NBAS: variants seen among roughly 807,000 people sequenced by gnomAD.
NBAS encodes the protein NAG/BC035112 fusion.
Under a neutral mutation model 302.5 loss-of-function variants are expected in NBAS, and 219 were observed. That is an observed-to-expected ratio of 0.72 (90% CI 0.65 to 0.81). NBAS has a LOEUF of 0.81. NBAS is among the 30% of genes least tolerant of loss of function. The pLI is 0.00. For missense variants in NBAS, 2,932 were observed against 2,841.6 expected (o/e 1.03, Z -0.72); for synonymous variants, 1,118 against 1,021.6 (o/e 1.09, Z -1.80).
At chr2:15,279,232 T>A (rs1480952566) in intron 42 of NBAS, among the ~76,000 whole-genome samples, 1 of 152,182 alleles carries the variant, frequency 6.6e-6, no homozygotes, top group Non-Finnish European at 1.5e-5. Context: ...ATTACTTTCT[T>A]GCTAAGTTAA....
the NBAS span, among the ~76,000 whole-genome samples, chr2:14,861,971 T>G: frequency 6.6e-6 from 1 of 152,154 alleles, no homozygotes; most frequent in Non-Finnish European, 1.5e-5. Flanking sequence ...AAGTCCCAGA[T>G]AGGAATTAAG....
At chr2:15,268,892 C>T (rs960636452) in intron 44 of NBAS, among the ~76,000 whole-genome samples, 6 of 152,114 alleles carry the variant, frequency 3.9e-5, no homozygotes, top group African/African-American at 1.2e-4. Context: ...GATTAAAACC[C>T]GAAGGCATGA....
the NBAS span, among the ~76,000 whole-genome samples, chr2:14,989,768 C>A: frequency 6.6e-6 from 1 of 152,046 alleles, no homozygotes; most frequent in Non-Finnish European, 1.5e-5. Flanking sequence ...CTGAATAGCA[C>A]CTAAATGTCC....
intron 35 of NBAS, among the ~76,000 whole-genome samples, chr2:15,342,917 T>C (rs1012846016): frequency 1.3e-5 from 2 of 151,940 alleles, no homozygotes; most frequent in South Asian, 2.1e-4. Flanking sequence ...CCAGTCAACA[T>C]GGGATGGTAA....
chr2:15,264,187 G>A (rs1668972920), intron 44 of NBAS, among the ~76,000 whole-genome samples: 1 of 152,088 alleles, frequency 6.6e-6, no homozygotes, highest in African/African-American at 2.4e-5. Flanking sequence ...GTAGTAGGGA[G>A]GTTATTTTCA....
At chr2:14,825,317 GA>G in the NBAS span, among the ~76,000 whole-genome samples, 1 of 152,198 alleles carries the variant, frequency 6.6e-6, no homozygotes, top group African/African-American at 2.4e-5. Context: ...CTACTGGCAT[GA>G]AAAGGTTCTA....
downstream of NBAS, among the ~76,000 whole-genome samples, chr2:15,162,207 C>T (rs774175670): frequency 6.6e-5 from 10 of 152,322 alleles, no homozygotes; most frequent in East Asian, 1.3e-3. Context: ...GCAACAGGCG[C>T]GTTGTTTGTC....
chr2:14,784,892 C>A, the NBAS span, among the ~76,000 whole-genome samples: 1 of 152,138 alleles, frequency 6.6e-6, no homozygotes, highest in East Asian at 1.9e-4. Context: ...GGCATTGAAT[C>A]TATAAATTAC....
the NBAS span, among the ~76,000 whole-genome samples, chr2:15,008,393 G>A: frequency 6.6e-6 from 1 of 152,132 alleles, no homozygotes; most frequent in Non-Finnish European, 1.5e-5. Context: ...CTCTCCCATG[G>A]TTCCCTGATG....
the NBAS span, among the ~76,000 whole-genome samples, chr2:14,994,048 C>A: frequency 1.3e-5 from 2 of 152,150 alleles, no homozygotes; most frequent in Admixed American, 1.3e-4. Context: ...CTATCATGTA[C>A]CTAGCACACT....
In NBAS at chr2:15,330,713, G is replaced by C. The variant is rs1475390960; in HGVS notation, c.4232C>G (p.Thr1411Ser). Residue 1411 changes from threonine to serine, a missense_variant, in exon 36 of 52, where the codon ACT becomes AGT. Coordinates refer to ENST00000281513, the MANE Select transcript of NBAS (RefSeq NM_015909.4). ...GGAAAGGACTTTCATGGTGGTAGCA[G>C]TGGTCCAGCGCAATAGGTCAGCTGA... ...SNSADLLRWT[T>S]ATTMKVLSNT... 17 of 1,614,092 alleles carry C rather than the reference G, an allele frequency of 1.1e-5. No homozygotes were observed. In the East Asian group the frequency reaches 3.8e-4, roughly 36 times the overall value.
chr2:15,451,606 T>A (rs1679014586), intron 21 of NBAS, among the ~76,000 whole-genome samples: 1 of 152,206 alleles, frequency 6.6e-6, no homozygotes, highest in Non-Finnish European at 1.5e-5. Flanking sequence ...CAATTTGACC[T>A]AAATCAAATT....
intron 7 of NBAS, 130 bp from the exon 8 acceptor site, chr2:15,536,681 C>T (rs1244142521): frequency 1.2e-6 from 1 of 869,352 alleles, no homozygotes; most frequent in Non-Finnish European, 1.8e-6. Context: ...CAGAATTGCT[C>T]TGTATACTCA....
the NBAS span, among the ~76,000 whole-genome samples, chr2:15,003,343 A>C: frequency 6.6e-6 from 1 of 152,104 alleles, no homozygotes; most frequent in Non-Finnish European, 1.5e-5. Flanking sequence ...TCTTGTATTT[A>C]TTTGCCCACT....
chr2:15,416,505 G>A (rs1313538726), intron 24 of NBAS, among the ~76,000 whole-genome samples: 1 of 152,136 alleles, frequency 6.6e-6, no homozygotes, highest in Non-Finnish European at 1.5e-5. Context: ...GACAGAGGGA[G>A]AGACAAAAGG....
the NBAS span, among the ~76,000 whole-genome samples, chr2:15,060,380 A>G: frequency 6.6e-6 from 1 of 152,176 alleles, no homozygotes; most frequent in South Asian, 2.1e-4. Context: ...CAGCATGGAG[A>G]GAGCTCTTGA....
At chr2:15,166,135 G>A (rs1465062673), downstream of NBAS, among the ~76,000 whole-genome samples, 1 of 152,146 alleles carries the variant, frequency 6.6e-6, no homozygotes, top group African/African-American at 2.4e-5. Context: ...CTATGCCCTG[G>A]GACCCTTATC....
intron 47 of NBAS, among the ~76,000 whole-genome samples, chr2:15,229,519 T>A (rs1667291751): frequency 6.6e-6 from 1 of 151,980 alleles, no homozygotes; most frequent in Non-Finnish European, 1.5e-5. Flanking sequence ...CAGTGGCTCA[T>A]GCCTGTAATC....
chr2:15,110,926 G>C, the NBAS span, among the ~76,000 whole-genome samples: 1 of 152,026 alleles, frequency 6.6e-6, no homozygotes, highest in Non-Finnish European at 1.5e-5. Flanking sequence ...ATAATGCTTG[G>C]AGCCAGAGAA....
Sources: allele counts gnomAD v4.1 joint callset (sites outside exome capture counted in the v4.1 genomes callset), GRCh38; gene constraint gnomAD v4.1.1; transcripts MANE v1.5; gene names NCBI Gene and HGNC (gene_info 2026-07-23, HGNC 2026-07-21).